The following WFDC9 variants were observed in gnomAD, a reference collection of about 807,000 sequenced individuals.
WFDC9 encodes WAP four-disulfide core domain 9.
A neutral mutation model predicts 9.5 loss-of-function variants in WFDC9; 9 were observed. The ratio of observed to expected loss-of-function variants is 0.95; its 90% CI spans 0.57 to 1.65. The LOEUF is 1.65. Ranked by LOEUF, WFDC9 falls within the 40% of genes most tolerant of loss-of-function variation. The probability of loss-of-function intolerance (pLI) is 0.00; values close to 1 mark genes in which losing one functional copy is unlikely to be tolerated. For missense variants in WFDC9, 87 were observed against 106.7 expected (o/e 0.82, Z 0.81); for synonymous variants, 33 against 32.3 (o/e 1.02, Z -0.07).
Position 45,621,471 on chromosome 20 carries a change from T to A in WFDC9, c.-152-6750A>T, listed in dbSNP as rs538643959. 3.3e-5 allele frequency among the ~76,000 whole-genome samples: 5 copies of A among 152,342 alleles called. No individual in the cohort carries two copies. The East Asian group carries it at 9.6e-4, about 29-fold the overall frequency. On this transcript the variant is annotated intron_variant, in intron 1 of 4. Transcript: ENST00000326000. Reference sequence around the variant, plus strand: ...TCTTTAAAAGTCCTGCTTACAAGGTTGGCTCTTGGTTGGCATCCATAAGCC... The same window carrying A: ...TCTTTAAAAGTCCTGCTTACAAGGTAGGCTCTTGGTTGGCATCCATAAGCC...
rs146300439 is a variant in WFDC9 at position 45,612,229 on chromosome 20, C to CT, written c.-58-1991dup. On this transcript the variant is annotated intron_variant, in intron 2 of 4. Coordinates refer to ENST00000326000, the MANE Select transcript of WFDC9 (RefSeq NM_147198.4). ...TTCAATTACAATTTTTTTCTTTTTA[C>CT]TTTTTTTTTTACACTTAGCATTTTA... is the stretch of plus-strand genomic sequence containing the variant. Among the ~76,000 whole-genome samples the CT allele has an allele frequency of 7.7e-3, 1,143 of 148,384 alleles. 12 individuals carry two copies. The highest frequency in any genetic ancestry group is 0.048 in the East Asian group (245 of 5,118).
intron 1 of WFDC9, among the ~76,000 whole-genome samples, chr20:45,625,794 T>C (rs1407139541): frequency 6.7e-6 from 1 of 149,604 alleles, no homozygotes; most frequent in Non-Finnish European, 1.5e-5. Flanking sequence ...GATTTATTTC[T>C]AGGTTCTCTA....
chr20:45,630,160 T>C (rs1432400797), intron 1 of WFDC9, among the ~76,000 whole-genome samples: 1 of 152,068 alleles, frequency 6.6e-6, no homozygotes, highest in African/African-American at 2.4e-5. Flanking sequence ...AAATGGCACA[T>C]CCCATAGTGA....
Position 45,630,219 on chromosome 20 carries a change from A to C in WFDC9, c.-153+984T>G, listed in dbSNP as rs77510138. 5.9e-3 allele frequency among the ~76,000 whole-genome samples: 842 copies of C among 143,464 alleles called. 7 individuals are homozygous for C. The highest frequency in any genetic ancestry group is 0.021 in the African/African-American group (808 of 38,270). 94.1% of individuals were successfully genotyped at this position (143,464 alleles called of 152,430 possible). ...CAGTGGGGAAAGCAAGACAATTATTATTTGATTTATGCACATTTGTGAGGA... is the reference window on the plus strand; with the variant it reads ...CAGTGGGGAAAGCAAGACAATTATTCTTTGATTTATGCACATTTGTGAGGA... On this transcript the variant is annotated intron_variant, in intron 1 of 4. Coordinates refer to ENST00000326000, the MANE Select transcript of WFDC9 (RefSeq NM_147198.4).
intron 1 of WFDC9, among the ~76,000 whole-genome samples, chr20:45,623,039 G>C (rs1172717137): frequency 6.6e-6 from 1 of 152,142 alleles, no homozygotes; most frequent in Non-Finnish European, 1.5e-5. Flanking sequence ...AGGAGTGAGG[G>C]GGAAACTAAT....
intron 2 of WFDC9, among the ~76,000 whole-genome samples, chr20:45,613,007 T>C (rs1981895314): frequency 6.6e-6 from 1 of 152,258 alleles, no homozygotes; most frequent in Non-Finnish European, 1.5e-5. Flanking sequence ...TTATATTTGT[T>C]CAGAAATTTT....
At chr20:45,627,025 A>G (rs1415032163) in intron 1 of WFDC9, among the ~76,000 whole-genome samples, 2 of 152,220 alleles carry the variant, frequency 1.3e-5, no homozygotes, top group Non-Finnish European at 2.9e-5. Flanking sequence ...TTTTTATCAT[A>G]AAGTGGTGTT....
intron 1 of WFDC9, among the ~76,000 whole-genome samples, chr20:45,626,122 C>G (rs972388785): frequency 1.3e-5 from 2 of 151,192 alleles, no homozygotes; most frequent in Non-Finnish European, 2.9e-5. Context: ...GCACCTGGCC[C>G]TAAGTTCTCT....
At chr20:45,618,151 A>T (rs550200038) in intron 1 of WFDC9, among the ~76,000 whole-genome samples, 24 of 152,174 alleles carry the variant, frequency 1.6e-4, no homozygotes, top group African/African-American at 5.8e-4. Context: ...CTTAACCCTC[A>T]TGAACCAACC....
At chr20:45,627,134 C>T (rs941328434) in intron 1 of WFDC9, among the ~76,000 whole-genome samples, 1 of 152,146 alleles carries the variant, frequency 6.6e-6, no homozygotes, top group African/African-American at 2.4e-5. Context: ...GATTTGTGTA[C>T]ATTGAGCCAT....
intron 1 of WFDC9, among the ~76,000 whole-genome samples, chr20:45,626,606 A>ATGC (rs1982224390): frequency 6.6e-6 from 1 of 152,170 alleles, no homozygotes; most frequent in African/African-American, 2.4e-5. Context: ...TGTGCATAGA[A>ATGC]ACACCACTGA....
chr20:45,624,011 T>C (rs1982161534), intron 1 of WFDC9, among the ~76,000 whole-genome samples: 1 of 151,872 alleles, frequency 6.6e-6, no homozygotes, highest in African/African-American at 2.4e-5. Flanking sequence ...GCCAGCATGG[T>C]GAAACACCCG....
intron 1 of WFDC9, among the ~76,000 whole-genome samples, chr20:45,621,070 C>G (rs977780331): frequency 7.9e-5 from 12 of 151,990 alleles, no homozygotes; most frequent in South Asian, 6.2e-4. Context: ...TTTTATTTCT[C>G]TCTTCAGACA....
chr20:45,613,020 A>G (rs1471329243), intron 2 of WFDC9, among the ~76,000 whole-genome samples: 1 of 152,242 alleles, frequency 6.6e-6, no homozygotes, highest in Non-Finnish European at 1.5e-5. Context: ...GAAATTTTCA[A>G]TGAAGCAAAA....
At chr20:45,619,393 A>G (rs986341867) in intron 1 of WFDC9, among the ~76,000 whole-genome samples, 2 of 152,202 alleles carry the variant, frequency 1.3e-5, no homozygotes, top group African/African-American at 2.4e-5. Context: ...TATCTGAAAT[A>G]CTGTATCCAA....
intron 1 of WFDC9, among the ~76,000 whole-genome samples, chr20:45,626,564 G>A (rs1408322748): frequency 6.6e-6 from 1 of 152,066 alleles, no homozygotes; most frequent in African/African-American, 2.4e-5. Flanking sequence ...AAATGGGATT[G>A]CCCTCTTGGT....
chr20:45,608,321 T>G (rs1215161487), intron 4 of WFDC9, among the ~76,000 whole-genome samples, 181 bp from the exon 5 acceptor site: 1 of 151,728 alleles, frequency 6.6e-6, no homozygotes, highest in Non-Finnish European at 1.5e-5. Flanking sequence ...AGATACCAGG[T>G]CTCCTTGGGC....
At chr20:45,612,603 T>C (rs897656747) in intron 2 of WFDC9, among the ~76,000 whole-genome samples, 1 of 152,138 alleles carries the variant, frequency 6.6e-6, no homozygotes, top group Admixed American at 6.5e-5. Flanking sequence ...AAGGAATAGA[T>C]AGACATTTTC....
rs76564532 is a variant in WFDC9, at chr20:45,608,929, C to T, written c.92-119G>A. On this transcript the variant is annotated intron_variant, in intron 3 of 4. Transcript: ENST00000326000. ...AAGCCACAAAGTATTTCTCTGCCTT[C>T]CAAGAAAATCCCTTCCTCAAATTAT... The T allele has an allele frequency of 2.6e-3, 2,865 of 1,107,542 alleles. 120 individuals carry two copies. The East Asian group carries it at 0.069, about 27-fold the overall frequency. 68.6% of individuals were successfully genotyped at this position (1,107,542 alleles called of 1,614,324 possible). A position where few individuals can be genotyped will look rare whatever the true frequency, so the allele number is the denominator to read the frequency against.
Sources: gnomAD v4.1 joint callset for allele counts (sites outside exome capture counted in the v4.1 genomes callset) on GRCh38, gnomAD v4.1.1 for gene constraint, MANE v1.5 for transcripts, NCBI Gene and HGNC (gene_info 2026-07-23, HGNC 2026-07-21) for gene names.